Variants in ATXN7L1 observed in about 807,000 individuals in gnomAD.
ATXN7L1 encodes the protein ataxin 7 like 1.
In ATXN7L1, 15 loss-of-function variants were observed where a neutral mutation model predicts 70.8. That is an observed-to-expected ratio of 0.21 (90% CI 0.14 to 0.33). The LOEUF is 0.33. Among genes scored for constraint, ATXN7L1 ranks in the 10% least tolerant of loss-of-function variants. ATXN7L1 has a pLI of 1.00. For missense variants in ATXN7L1, 975 were observed against 1,097.1 expected (o/e 0.89, Z 1.57); for synonymous variants, 440 against 445.1 (o/e 0.99, Z 0.14).
intron 9 of ATXN7L1, chr7:105,617,842 C>T (rs1218867206): frequency 6.9e-6 from 3 of 434,540 alleles, no homozygotes; most frequent in South Asian, 4.9e-5. Flanking sequence ...GAGTTAAATG[C>T]TTGTTAAAGA....
chr7:105,865,361 T>G (rs751046496), intron 2 of ATXN7L1, among the ~76,000 whole-genome samples: 4 of 152,220 alleles, frequency 2.6e-5, no homozygotes, highest in Non-Finnish European at 5.9e-5. Context: ...TGAACCTTTT[T>G]GTGTGTGGTA....
chr7:105,676,981 C>T (rs2116137069), intron 3 of ATXN7L1, among the ~76,000 whole-genome samples: 1 of 152,366 alleles, frequency 6.6e-6, no homozygotes, highest in East Asian at 1.9e-4. Flanking sequence ...CTTGAGGCAG[C>T]ATCAGTGACC....
At chr7:105,706,104 G>A (rs1167339927) in intron 3 of ATXN7L1, among the ~76,000 whole-genome samples, 1 of 152,224 alleles carries the variant, frequency 6.6e-6, no homozygotes, top group African/African-American at 2.4e-5. Flanking sequence ...AGTGGTCTGA[G>A]AGCTAGCTAA....
intron 3 of ATXN7L1, among the ~76,000 whole-genome samples, chr7:105,722,560 TAAAAAAAAAAAAAAAAAA>T (rs56228890): frequency 1.7e-3 from 36 of 20,846 alleles, no homozygotes; most frequent in South Asian, 4.4e-3. Flanking sequence ...GACTCTGCCT[TAAAAAAAAAAAAAAAAAA>T]AAAAAAAAAA....
chr7:105,671,104 C>CAAAAAAAAAAAAA lies in ATXN7L1; in HGVS notation c.356-5829_356-5817dup, dbSNP rs71155469. Among the ~76,000 whole-genome samples the CAAAAAAAAAAAAA allele has an allele frequency of 2.5e-4, 22 of 89,694 alleles. 1 individual carries two copies. The South Asian group carries it at 3.5e-3, about 14-fold the overall frequency. 58.8% of individuals were successfully genotyped at this position (89,694 alleles called of 152,430 possible). ...CCTGGGCGACAGCGAGACTACGTCT[C>CAAAAAAAAAAAAA]AAAAAAAAAAAAAAAAAAAAAAAAA... On this transcript the variant is annotated intron_variant, in intron 3 of 11. Coordinates refer to ENST00000419735, the MANE Select transcript of ATXN7L1 (RefSeq NM_020725.2).
chr7:105,876,363 TGGTGG>T lies in ATXN7L1; in HGVS notation c.181+10_181+14del, dbSNP rs1431596736. On this transcript the variant is annotated intron_variant, in intron 1 of 11. Transcript: ENST00000419735. ...ACAGGATAATAAAAGGAGGAGGAGG[TGGTGG>T]GGTTCTTACTGTCGGAGCAGTGTAA... 2.5e-6 allele frequency: 4 copies of T among 1,575,866 alleles called. No homozygotes were observed. In the African/African-American group the frequency reaches 5.5e-5, roughly 22 times the overall value.
intron 2 of ATXN7L1, among the ~76,000 whole-genome samples, chr7:105,866,491 C>T (rs2116667843): frequency 6.6e-6 from 1 of 152,316 alleles, no homozygotes; most frequent in Non-Finnish European, 1.5e-5. Flanking sequence ...CTAGGGCAGC[C>T]AGGTCTAGCC....
rs185502644 is a variant in ATXN7L1, at chr7:105,649,359, C to T, written c.579-6238G>A. On this transcript the variant is annotated intron_variant, in intron 4 of 11. Transcript: ENST00000419735. The stretch of plus-strand genomic sequence containing the variant: ...CGGTCCTGGGAAAGAAACCCAATGC[C>T]GAGAACACCCTCCCTCATCCCCCTT... 17 of 987,166 alleles carry T rather than the reference C, an allele frequency of 1.7e-5. No homozygotes were observed. In the East Asian group the frequency reaches 1.2e-3, roughly 72 times the overall value. The allele number at this position is 987,166 out of a possible 1,614,324, so 61.2% of individuals were successfully genotyped here. A position where few individuals can be genotyped will look rare whatever the true frequency, so the allele number is the denominator to read the frequency against.
chr7:105,744,460 C>T (rs12667632), intron 3 of ATXN7L1, among the ~76,000 whole-genome samples: 37,758 of 151,970 alleles, frequency 0.25, 4,952 homozygotes, highest in East Asian at 0.33. Context: ...TTCTGAGCTG[C>T]CCAGTCCCCA....
chr7:105,707,293 G>A (rs1305294305), intron 3 of ATXN7L1, among the ~76,000 whole-genome samples: 2 of 152,228 alleles, frequency 1.3e-5, no homozygotes, highest in African/African-American at 4.8e-5. Flanking sequence ...GTTGGACCAA[G>A]GCTTGTTTGT....
intron 3 of ATXN7L1, among the ~76,000 whole-genome samples, chr7:105,730,737 A>C (rs978429316): frequency 6.6e-6 from 1 of 152,164 alleles, no homozygotes; most frequent in Admixed American, 6.5e-5. Flanking sequence ...ATCTCGAAAA[A>C]AAAAAGAAAA....
chr7:105,660,009 G>T (rs1378586868), intron 4 of ATXN7L1, among the ~76,000 whole-genome samples: 5 of 151,794 alleles, frequency 3.3e-5, no homozygotes, highest in African/African-American at 1.2e-4. Flanking sequence ...TGAGGAAGCG[G>T]CAGGACCACA....
intron 2 of ATXN7L1, among the ~76,000 whole-genome samples, chr7:105,871,466 C>T (rs764480000): frequency 6.6e-6 from 1 of 152,138 alleles, no homozygotes; most frequent in Non-Finnish European, 1.5e-5. Context: ...AATCCCAGCA[C>T]TTTGGGATGC....
chr7:105,639,877 G>A (rs1049801403), intron 5 of ATXN7L1, among the ~76,000 whole-genome samples: 2 of 152,200 alleles, frequency 1.3e-5, no homozygotes, highest in African/African-American at 2.4e-5. Flanking sequence ...GAGAGGAGCC[G>A]TGCTGCTCTT....
At chr7:105,721,297 C>T (rs1795154361) in intron 3 of ATXN7L1, among the ~76,000 whole-genome samples, 1 of 152,152 alleles carries the variant, frequency 6.6e-6, no homozygotes, top group African/African-American at 2.4e-5. Flanking sequence ...TCCAGCTTCC[C>T]TTGAGGGAGG....
intron 3 of ATXN7L1, among the ~76,000 whole-genome samples, chr7:105,759,484 G>GTGTGTGTGTGTGTGTT (rs1554453050): frequency 5.7e-4 from 78 of 135,734 alleles, no homozygotes; most frequent in African/African-American, 2.2e-3. Flanking sequence ...GTGTGTGTGT[G>GTGTGTGTGTGTGTGTT]TGTGTGTATG....
At chr7:105,676,207 C>T (rs904183331) in intron 3 of ATXN7L1, among the ~76,000 whole-genome samples, 1 of 152,204 alleles carries the variant, frequency 6.6e-6, no homozygotes, top group African/African-American at 2.4e-5. Context: ...CTATCTGCTC[C>T]CCACTGTCTG....
intron 2 of ATXN7L1, among the ~76,000 whole-genome samples, chr7:105,812,100 C>T (rs1354595922): frequency 1.3e-5 from 2 of 152,166 alleles, no homozygotes; most frequent in African/African-American, 4.8e-5. Context: ...TTCTCAAGCC[C>T]CCCTGGATGC....
intron 4 of ATXN7L1, among the ~76,000 whole-genome samples, chr7:105,647,418 C>T (rs184197205): frequency 2.0e-5 from 3 of 152,298 alleles, no homozygotes; most frequent in South Asian, 2.1e-4. Flanking sequence ...GAGGCTGAGG[C>T]GAGTGGATCA....
Sources: gnomAD v4.1 joint callset for allele counts (sites outside exome capture counted in the v4.1 genomes callset) on GRCh38, gnomAD v4.1.1 for gene constraint, MANE v1.5 for transcripts, NCBI Gene and HGNC (gene_info 2026-07-23, HGNC 2026-07-21) for gene names.